SDK1: variants seen among roughly 807,000 people sequenced by gnomAD.
The protein encoded by SDK1 is protein sidekick-1.
SDK1 carries 157 observed loss-of-function variants against 245.5 expected under a neutral mutation model. The observed-to-expected ratio is 0.64, with a 90% CI of 0.56 to 0.73. SDK1 has a LOEUF of 0.73. Ranked by LOEUF, SDK1 falls within the 30% of genes least tolerant of loss-of-function variation. SDK1 has a pLI of 0.00. For missense variants in SDK1, 3,583 were observed against 3,002.3 expected, an observed-to-expected ratio of 1.19 and a Z score of -4.52; for synonymous variants, 1,647 against 1,278.5, an observed-to-expected ratio of 1.29 and a Z score of -6.15.
At chr7:3,651,778 A>G (rs756552813) in intron 4 of SDK1, among the ~76,000 whole-genome samples, 14 of 152,186 alleles carry the variant, frequency 9.2e-5, no homozygotes, top group Non-Finnish European at 1.5e-4. Context: ...ACAACCATAC[A>G]TGTAATTCAG....
chr7:3,422,103 A>G (rs66941572), intron 1 of SDK1, among the ~76,000 whole-genome samples: 25,347 of 152,178 alleles, frequency 0.17, 3,473 homozygotes, highest in African/African-American at 0.38. Flanking sequence ...AGATGTATCT[A>G]TCTATAATGA....
At chr7:3,854,016 G>A (rs138309263) in intron 5 of SDK1, among the ~76,000 whole-genome samples, 3 of 152,200 alleles carry the variant, frequency 2.0e-5, no homozygotes, top group African/African-American at 4.8e-5. Context: ...GGATTTCAGA[G>A]CATTTTTTGA....
intron 4 of SDK1, among the ~76,000 whole-genome samples, chr7:3,647,317 C>G (rs574415016): frequency 6.6e-6 from 1 of 152,268 alleles, no homozygotes; most frequent in African/African-American, 2.4e-5. Context: ...AAAATAACGT[C>G]TTCCAAAGAC....
chr7:3,442,887 C>T lies in SDK1; in HGVS notation c.298+141003C>T, dbSNP rs574777391. Among the ~76,000 whole-genome samples, 11 of 152,222 alleles carry T rather than the reference C, an allele frequency of 7.2e-5. No individual in the cohort carries two copies. The South Asian group carries it at 8.3e-4, about 11-fold the overall frequency. The stretch of plus-strand genomic sequence containing the variant: ...TGTGTTCTGTCTCTTCCATTCCCTC[C>T]GAACACTTTTGATCTTTTCGTTTTG... On this transcript the variant is annotated intron_variant, in intron 1 of 44. Transcript: ENST00000404826.
chr7:3,609,564 C>G (rs924333060), intron 1 of SDK1, among the ~76,000 whole-genome samples: 1 of 152,016 alleles, frequency 6.6e-6, no homozygotes, highest in African/African-American at 2.4e-5. Context: ...CCATACCCGG[C>G]TAATTTTTTG....
At chr7:3,653,925 G>C (rs2568523) in intron 4 of SDK1, among the ~76,000 whole-genome samples, 37,080 of 152,138 alleles carry the variant, frequency 0.24, 5,529 homozygotes, top group East Asian at 0.38. Flanking sequence ...TAACAGAAGA[G>C]AATGAGCAAG....
At chr7:4,254,808 C>G (rs1024727477) in intron 44 of SDK1, among the ~76,000 whole-genome samples, 2 of 152,110 alleles carry the variant, frequency 1.3e-5, no homozygotes, top group African/African-American at 4.8e-5. Flanking sequence ...AAGTCCATTT[C>G]CCCTGCACTG....
chr7:4,030,217 G>A (rs1045970474), intron 17 of SDK1, among the ~76,000 whole-genome samples: 1 of 151,896 alleles, frequency 6.6e-6, no homozygotes, highest in Non-Finnish European at 1.5e-5. Context: ...GCCACACAGA[G>A]AGAACCAAGG....
At chr7:4,192,527 G>T (rs778116712) in intron 35 of SDK1, among the ~76,000 whole-genome samples, 1 of 152,086 alleles carries the variant, frequency 6.6e-6, no homozygotes, top group African/African-American at 2.4e-5. Context: ...CACCCGCCTC[G>T]GCCTCCTGAA....
intron 1 of SDK1, among the ~76,000 whole-genome samples, chr7:3,308,409 G>A (rs1342869660): frequency 1.3e-5 from 2 of 152,062 alleles, no homozygotes; most frequent in East Asian, 3.8e-4. Flanking sequence ...TTCATTAGGG[G>A]CTTTTAGTAA....
Position 3,624,706 on chromosome 7 carries a change from A to G in SDK1, c.458+5467A>G, listed in dbSNP as rs150234018. Among the ~76,000 whole-genome samples the G allele has an allele frequency of 5.5e-3, 843 of 152,282 alleles. 6 individuals carry two copies. Among genetic ancestry groups the G allele is most frequent in the African/African-American group, 0.02 (814 of 41,560 alleles). ...CATGTTAATAGTATAAAATTAAACAATATGCCAGAGGAGCATTTTGAACCA... is the reference window on the plus strand; with the variant it reads ...CATGTTAATAGTATAAAATTAAACAGTATGCCAGAGGAGCATTTTGAACCA... On this transcript the variant is annotated intron_variant, in intron 2 of 44. Transcript: ENST00000404826.
intron 4 of SDK1, among the ~76,000 whole-genome samples, chr7:3,739,164 C>A (rs1418334049): frequency 6.6e-6 from 1 of 152,070 alleles, no homozygotes; most frequent in South Asian, 2.1e-4. Context: ...GTCATTCATT[C>A]ATCTTATTTG....
At chr7:3,446,964 A>G (rs955632736) in intron 1 of SDK1, among the ~76,000 whole-genome samples, 1 of 152,222 alleles carries the variant, frequency 6.6e-6, no homozygotes, top group Non-Finnish European at 1.5e-5. Context: ...AAAAATACAG[A>G]TGAGTTCTCT....
At chr7:3,628,758 A>G (rs1271693155) in intron 2 of SDK1, among the ~76,000 whole-genome samples, 4 of 152,178 alleles carry the variant, frequency 2.6e-5, no homozygotes, top group Non-Finnish European at 5.9e-5. Context: ...GGACAAAAAT[A>G]TGAACAGTTG....
chr7:3,435,162 G>C (rs62437725), intron 1 of SDK1, among the ~76,000 whole-genome samples: 29 of 30,272 alleles, frequency 9.6e-4, no homozygotes, highest in Non-Finnish European at 1.3e-3. Context: ...AAAAGTCTCT[G>C]TATTTTTTTT....
At chr7:3,621,451 G>C (rs1781935389) in intron 2 of SDK1, among the ~76,000 whole-genome samples, 1 of 152,188 alleles carries the variant, frequency 6.6e-6, no homozygotes, top group Non-Finnish European at 1.5e-5. Context: ...GAAAGGAATG[G>C]AGTTTCAAAG....
chr7:3,882,170 G>T (rs942764559), intron 5 of SDK1, among the ~76,000 whole-genome samples: 1 of 152,192 alleles, frequency 6.6e-6, no homozygotes, highest in Non-Finnish European at 1.5e-5. Context: ...CAGTATGGGG[G>T]AAACTGCTCC....
chr7:3,743,644 C>T lies in SDK1; in HGVS notation c.714-77806C>T, dbSNP rs938156625. ...ATTAAACTAGTAAGTATTTAAGGAA[C>T]ATTTGCTATGTGCCAGAAACTGCTT... On this transcript the variant is annotated intron_variant, in intron 4 of 44. Transcript: ENST00000404826. Among the ~76,000 whole-genome samples, 19 of 152,246 alleles carry T rather than the reference C, an allele frequency of 1.2e-4. No homozygotes were observed. The Middle Eastern group carries it at 0.01, about 82-fold the overall frequency.
chr7:3,492,937 A>G (rs1398788652), intron 1 of SDK1, among the ~76,000 whole-genome samples: 1 of 151,926 alleles, frequency 6.6e-6, no homozygotes, highest in African/African-American at 2.4e-5. Flanking sequence ...CAAAGAGAAG[A>G]TTTATTTTAT....
Sources: allele counts gnomAD v4.1 joint callset (sites outside exome capture counted in the v4.1 genomes callset), GRCh38; gene constraint gnomAD v4.1.1; transcripts MANE v1.5; gene names NCBI Gene and HGNC (gene_info 2026-07-23, HGNC 2026-07-21).